The following NRDE2 variants were observed in gnomAD, a reference collection of about 807,000 sequenced individuals.
NRDE2 encodes the protein nuclear exosome regulator NRDE2.
Under a neutral mutation model 124.2 loss-of-function variants are expected in NRDE2, and 76 were observed. The ratio of observed to expected loss-of-function variants is 0.61; its 90% CI spans 0.51 to 0.74. The LOEUF (loss-of-function observed/expected upper bound fraction) is 0.74. Ranked by LOEUF, NRDE2 falls within the 30% of genes least tolerant of loss-of-function variation. The pLI is 0.00. For synonymous variants in NRDE2, 489 were observed against 528.1 expected (o/e 0.93, Z 1.01); for missense variants, 1,314 against 1,417.3 (o/e 0.93, Z 1.17).
At position 90,276,297 on chromosome 14, in the gene NRDE2, C is replaced by G. The variant is rs971809324; in HGVS notation, c.*2039G>C. 1 of 143,760 alleles carries G rather than the reference C, an allele frequency of 7.0e-6. No individual in the cohort carries two copies. The highest frequency in any genetic ancestry group is 2.6e-5 in the African/African-American group (1 of 38,954). The allele number at this position is 143,760 out of a possible 1,614,324, so 8.9% of individuals were successfully genotyped here. ...GCAGTGGCGCGATCTTGGCTCACTGCAAGCTCTGCCTCCCAGGTTCACGCC... is the reference window on the plus strand; with the variant it reads ...GCAGTGGCGCGATCTTGGCTCACTGGAAGCTCTGCCTCCCAGGTTCACGCC... On this transcript the variant is annotated 3_prime_UTR_variant, in exon 14 of 14. Transcript: ENST00000354366.
At chr14:90,303,696 C>A (rs1259420486) in intron 5 of NRDE2, among the ~76,000 whole-genome samples, 2 of 152,200 alleles carry the variant, frequency 1.3e-5, no homozygotes, top group African/African-American at 4.8e-5. Context: ...GCCATTCCCT[C>A]ACTCCACTCC....
chr14:90,274,399 A>C lies in NRDE2; in HGVS notation c.*3937T>G, dbSNP rs919300662. On this transcript the variant is annotated 3_prime_UTR_variant, in exon 14 of 14. Coordinates refer to ENST00000354366, the MANE Select transcript of NRDE2 (RefSeq NM_017970.4). ...TATGTATGGAGGCAGTCAGGCAGGT[A>C]AACAGGACAGTGGGAGCCAGGTTTC... The C allele has an allele frequency of 6.5e-6, 1 of 154,492 alleles. No homozygotes were observed. The highest frequency in any genetic ancestry group is 1.5e-5 in the Non-Finnish European group (1 of 68,316). The allele number at this position is 154,492 out of a possible 1,614,324, so 9.6% of individuals were successfully genotyped here.
chr14:90,285,237 C>T (rs1283994258), intron 12 of NRDE2, among the ~76,000 whole-genome samples: 1 of 145,656 alleles, frequency 6.9e-6, no homozygotes, highest in East Asian at 2.0e-4. Flanking sequence ...CACTACTGCA[C>T]TCCAGCCTGG....
chr14:90,300,700 G>A (rs953230034), intron 7 of NRDE2, among the ~76,000 whole-genome samples: 50 of 149,378 alleles, frequency 3.3e-4, no homozygotes, highest in Non-Finnish European at 6.1e-4. Context: ...CAACTCTAGC[G>A]AAGATTGTGG....
At chr14:90,326,356 C>T (rs978557621) in intron 1 of NRDE2, among the ~76,000 whole-genome samples, 14 of 151,590 alleles carry the variant, frequency 9.2e-5, no homozygotes, top group South Asian at 2.1e-4. Flanking sequence ...TAGCCGGGCG[C>T]GGTGGCGGGC....
chr14:90,308,054 G>A (rs1457768721), intron 4 of NRDE2, among the ~76,000 whole-genome samples: 1 of 152,132 alleles, frequency 6.6e-6, no homozygotes, highest in Non-Finnish European at 1.5e-5. Context: ...GGCCAAAAAT[G>A]TTTACATAAG....
At chr14:90,326,269 T>C (rs934678786) in intron 1 of NRDE2, among the ~76,000 whole-genome samples, 1 of 146,650 alleles carries the variant, frequency 6.8e-6, no homozygotes, top group Non-Finnish European at 1.5e-5. Context: ...CCGAGGCGGG[T>C]GGATCATGAG....
intron 3 of NRDE2, 43 bp downstream of exon 3, chr14:90,316,535 T>G (rs752707426): frequency 3.6e-5 from 51 of 1,416,420 alleles, no homozygotes; most frequent in Non-Finnish European, 4.9e-5. Context: ...GGAGAAAAAC[T>G]CAAGACTTAA....
intron 4 of NRDE2, chr14:90,304,716 TA>T (rs1884539210): frequency 4.9e-6 from 1 of 203,746 alleles, no homozygotes; most frequent in African/African-American, 2.3e-5. Flanking sequence ...ATCACAGCCA[TA>T]TGTGACAGGC....
intron 3 of NRDE2, among the ~76,000 whole-genome samples, chr14:90,313,119 A>ACTT (rs1255397544): frequency 9.8e-6 from 1 of 102,264 alleles, no homozygotes; most frequent in African/African-American, 4.0e-5. Context: ...TCTCAGCCTC[A>ACTT]TTTTTTTTTT....
intron 7 of NRDE2, among the ~76,000 whole-genome samples, chr14:90,299,338 G>A (rs909281664): frequency 6.6e-6 from 1 of 151,974 alleles, no homozygotes; most frequent in Non-Finnish European, 1.5e-5. Flanking sequence ...CTAAACCACC[G>A]CGCCCAGCCT....
At chr14:90,283,879 T>A (rs958827608) in intron 12 of NRDE2, among the ~76,000 whole-genome samples, 1 of 151,876 alleles carries the variant, frequency 6.6e-6, no homozygotes, top group African/African-American at 2.4e-5. Context: ...GCCCGGCTAA[T>A]TTTTTGTATT....
intron 1 of NRDE2, among the ~76,000 whole-genome samples, chr14:90,328,059 C>T (rs1353938531): frequency 2.0e-5 from 3 of 151,646 alleles, no homozygotes; most frequent in Non-Finnish European, 2.9e-5. Context: ...AGGAAAATGG[C>T]GTGAACCCGG....
intron 7 of NRDE2, among the ~76,000 whole-genome samples, chr14:90,299,711 C>T (rs1169886437): frequency 1.3e-5 from 2 of 152,248 alleles, no homozygotes; most frequent in Admixed American, 6.5e-5. Context: ...CGTCCTGACA[C>T]GTCAGTCATC....
intron 8 of NRDE2, among the ~76,000 whole-genome samples, chr14:90,293,541 G>A (rs1328194299): frequency 6.6e-6 from 1 of 152,204 alleles, no homozygotes; most frequent in Non-Finnish European, 1.5e-5. Context: ...TGAGTCACCA[G>A]GCCTGGCCTG....
chr14:90,282,753 C>T (rs1212049614), intron 12 of NRDE2, among the ~76,000 whole-genome samples: 3 of 152,008 alleles, frequency 2.0e-5, no homozygotes, highest in Admixed American at 6.6e-5. Context: ...CCGCAACCTC[C>T]GCCTCCCGGG....
intron 1 of NRDE2, among the ~76,000 whole-genome samples, chr14:90,327,675 C>CCCCAACTCATTATTCTGA (rs1885492774): frequency 2.0e-5 from 3 of 152,098 alleles, no homozygotes; most frequent in Non-Finnish European, 4.4e-5. Flanking sequence ...TTACTGGGAC[C>CCCCAACTCATTATTCTGA]CCCAACTCAT....
chr14:90,316,724 CT>C lies in NRDE2; in HGVS notation c.260del (p.Lys87ArgfsTer72). ...QTSRKKKKEK[K>X]KKRKHQHHKK... is the part of the protein sequence containing the mutation. Reference sequence around the variant, plus strand: ...TATGATGCTGATGCTTCCTTTTTTTCTTTTTCTCTTTCTTCTTTTTTCTACT... The same window carrying C: ...TATGATGCTGATGCTTCCTTTTTTTCTTTTCTCTTTCTTCTTTTTTCTACT... On this transcript the variant is annotated frameshift_variant, in exon 3 of 14. Coordinates refer to ENST00000354366, the MANE Select transcript of NRDE2 (RefSeq NM_017970.4). LOFTEE classifies it high-confidence loss of function. 2 of 1,613,494 alleles carry C rather than the reference CT, an allele frequency of 1.2e-6. No homozygotes were observed. Among genetic ancestry groups the C allele is most frequent in the South Asian group, 1.1e-5 (1 of 90,844 alleles).
Position 90,269,295 on chromosome 14 carries a change from A to G in NRDE2, c.*9041T>C. On this transcript the variant is annotated 3_prime_UTR_variant, in exon 14 of 14. Coordinates refer to ENST00000354366, the MANE Select transcript of NRDE2 (RefSeq NM_017970.4). ...GAGTGCCATGTGAGTTGAAACAGGA[A>G]TGTTTGTTAAGGTGTTTTGTCACAA... 9.8e-7 allele frequency: 1 copy of G among 1,015,788 alleles called. No homozygotes were observed. The highest frequency in any genetic ancestry group is 1.4e-6 in the Non-Finnish European group (1 of 701,880). The allele number at this position is 1,015,788 out of a possible 1,614,324, so 62.9% of individuals were successfully genotyped here.
Sources: allele counts gnomAD v4.1 joint callset (sites outside exome capture counted in the v4.1 genomes callset), GRCh38; gene constraint gnomAD v4.1.1; transcripts MANE v1.5; gene names NCBI Gene and HGNC (gene_info 2026-07-23, HGNC 2026-07-21).